MEGF8: variants seen among roughly 807,000 people sequenced by gnomAD.
MEGF8 encodes the protein multiple epidermal growth factor-like domains protein 8.
MEGF8 carries 156 observed loss-of-function variants against 302.9 expected under a neutral mutation model. That is an observed-to-expected ratio of 0.52 (90% CI 0.45 to 0.59). MEGF8 has a LOEUF of 0.59. Among genes scored for constraint, MEGF8 ranks in the 20% least tolerant of loss-of-function variants. The pLI, the probability that MEGF8 is intolerant of heterozygous loss-of-function variation, is 0.00. For synonymous variants in MEGF8, 1,621 were observed against 1,660.5 expected, an observed-to-expected ratio of 0.98 and a Z score of 0.58; for missense variants, 3,345 against 3,964.5, an observed-to-expected ratio of 0.84 and a Z score of 4.20.
chr19:42,360,647 G>T, intron 31 of MEGF8, 128 bp from the exon 32 acceptor site: 2 of 1,480,716 alleles, frequency 1.4e-6, no homozygotes, highest in Non-Finnish European at 1.8e-6. Flanking sequence ...CCTTGGCCTT[G>T]TTTCTGCTGT....
chr19:42,336,069 C>T lies in MEGF8; in HGVS notation c.967C>T (p.Pro323Ser), dbSNP rs2039123449. 1.3e-6 allele frequency: 2 copies of T among 1,593,948 alleles called. No individual in the cohort carries two copies. Among genetic ancestry groups the T allele is most frequent in the African/African-American group, 2.7e-5 (2 of 74,866 alleles). Residue 323 changes from proline to serine, a missense_variant, in exon 6 of 42, where the codon CCA becomes TCA. Coordinates refer to ENST00000251268, the MANE Select transcript of MEGF8 (RefSeq NM_001271938.2). This position sits in a 1 kb window ranked among gnomAD's most constrained non-coding sequence, Gnocchi z 4.8. ...CAGGGGCCACTGGGAGCTCCTGGCACCACCTGCCTCCAGCTCCTCGGGGCC... is the reference window on the plus strand; with the variant it reads ...CAGGGGCCACTGGGAGCTCCTGGCATCACCTGCCTCCAGCTCCTCGGGGCC... ...LGRGHWELLA[P>S]PASSSSGPPG...
At chr19:42,345,293 A>T (rs1352137135) in intron 12 of MEGF8, among the ~76,000 whole-genome samples, 1 of 152,228 alleles carries the variant, frequency 6.6e-6, no homozygotes, top group Non-Finnish European at 1.5e-5. Flanking sequence ...TTTAAAAAGA[A>T]TTTTTACATT....
Position 42,351,172 on chromosome 19 carries a change from A to G in MEGF8, c.2737-44A>G. 1 of 1,516,390 alleles carries G rather than the reference A, an allele frequency of 6.6e-7. No homozygotes were observed. The highest frequency in any genetic ancestry group is 8.9e-7 in the Non-Finnish European group (1 of 1,119,006). The allele number at this position is 1,516,390 out of a possible 1,614,324, so 93.9% of individuals were successfully genotyped here. A position where few individuals can be genotyped will look rare whatever the true frequency, so the allele number is the denominator to read the frequency against. ...GATGGGCACTGGGAGTCCAAAGGAAAGGGCTGAGTGGGGTTCTGACTCCTC... is the reference window on the plus strand; with the variant it reads ...GATGGGCACTGGGAGTCCAAAGGAAGGGGCTGAGTGGGGTTCTGACTCCTC... On this transcript the variant is annotated intron_variant, in intron 15 of 41. Transcript: ENST00000251268. The surrounding 1 kb of genome is among the most constrained non-coding windows in gnomAD (Gnocchi z 5.6).
chr19:42,366,232 G>A lies in MEGF8; in HGVS notation c.6274-2223G>A, dbSNP rs544497542. Among the ~76,000 whole-genome samples, 6 of 152,098 alleles carry A rather than the reference G, an allele frequency of 3.9e-5. No individual in the cohort carries two copies. In the East Asian group the frequency reaches 9.7e-4, roughly 24 times the overall value. On this transcript the variant is annotated intron_variant, in intron 35 of 41. Transcript: ENST00000251268. ...TTTTCTTTTTTTGAAACAGAGTCTC[G>A]CTCTGTCGCCCAGGCTGTAGTGCAG...
chr19:42,356,094 G>A lies in MEGF8; in HGVS notation c.4404G>A (p.Val1468=), dbSNP rs1197766131. The A allele has an allele frequency of 2.3e-5, 37 of 1,587,636 alleles. No homozygotes were observed. Among genetic ancestry groups the A allele is most frequent in the Non-Finnish European group, 2.9e-5 (34 of 1,164,620 alleles). Residue 1468 remains valine (V), a synonymous_variant, in exon 25 of 42, where the codon GTG becomes GTA. Coordinates refer to ENST00000251268, the MANE Select transcript of MEGF8 (RefSeq NM_001271938.2). The surrounding 1 kb of genome is among the most constrained non-coding windows in gnomAD (Gnocchi z 5.2). ...GAGTCNQSLG[V]CICAEGFGGP... ...TTGTCATCCCCCAGAGCCTGGGTGT[G>A]TGCATCTGTGCCGAGGGCTTCGGGG... is the stretch of plus-strand genomic sequence containing the variant.
rs569891691 is a variant in MEGF8 at position 42,356,091 on chromosome 19, T to C, written c.4401T>C (p.Gly1467=). The C allele has an allele frequency of 2.2e-5, 35 of 1,586,840 alleles. No individual in the cohort carries two copies. Among genetic ancestry groups the C allele is most frequent in the Non-Finnish European group, 2.8e-5 (33 of 1,163,970 alleles). The part of the protein sequence containing the change: ...TGAGTCNQSL[G]VCICAEGFGG... ...CCCTTGTCATCCCCCAGAGCCTGGG[T>C]GTGTGCATCTGTGCCGAGGGCTTCG... Residue 1467 remains glycine, a synonymous_variant, in exon 25 of 42, where the codon GGT becomes GGC. Coordinates refer to ENST00000251268, the MANE Select transcript of MEGF8 (RefSeq NM_001271938.2). The surrounding 1 kb of genome is among the most constrained non-coding windows in gnomAD (Gnocchi z 5.2).
At chr19:42,328,868 G>A (rs540101428) in intron 1 of MEGF8, among the ~76,000 whole-genome samples, 24 of 152,074 alleles carry the variant, frequency 1.6e-4, no homozygotes, top group Non-Finnish European at 2.5e-4. Context: ...AAGAAAAAAC[G>A]TCTCAGACTG....
chr19:42,358,367 C>T lies in MEGF8; in HGVS notation c.5175+60C>T, dbSNP rs890780081. ...GGGCAGGAGGGAGGGGTCCTCTTTC[C>T]CAGTGCCCCAGGGACTGGCTCCATC... On this transcript the variant is annotated intron_variant, in intron 29 of 41. Coordinates refer to ENST00000251268, the MANE Select transcript of MEGF8 (RefSeq NM_001271938.2). This position sits in a 1 kb window ranked among gnomAD's most constrained non-coding sequence, Gnocchi z 4.4. 1 of 1,516,804 alleles carries T rather than the reference C, an allele frequency of 6.6e-7. No individual in the cohort carries two copies. The highest frequency in any genetic ancestry group is 1.3e-5 in the South Asian group (1 of 78,116). 94.0% of individuals were successfully genotyped at this position (1,516,804 alleles called of 1,614,324 possible). A position where few individuals can be genotyped will look rare whatever the true frequency, so the allele number is the denominator to read the frequency against.
chr19:42,338,331 C>G (rs888939830), intron 8 of MEGF8, among the ~76,000 whole-genome samples: 1 of 152,020 alleles, frequency 6.6e-6, no homozygotes, highest in African/African-American at 2.4e-5. Flanking sequence ...CTTCCACCTC[C>G]TGGGTTCAAG....
At chr19:42,355,642 T>C in intron 23 of MEGF8, 116 bp from the exon 24 acceptor site, 1 of 1,381,692 alleles carries the variant, frequency 7.2e-7, no homozygotes, top group Non-Finnish European at 9.6e-7. Context: ...GCGATGATTA[T>C]GAATAATATG....
At chr19:42,345,474 A>C (rs1366343356) in intron 12 of MEGF8, among the ~76,000 whole-genome samples, 2 of 152,174 alleles carry the variant, frequency 1.3e-5, no homozygotes, top group Non-Finnish European at 2.9e-5. Context: ...CCTGGCAGCT[A>C]CTAATCTGTT....
At chr19:42,362,679 G>T in intron 34 of MEGF8, 82 bp downstream of exon 34, 1 of 1,465,350 alleles carries the variant, frequency 6.8e-7, no homozygotes, top group Non-Finnish European at 9.3e-7. Flanking sequence ...TGGGGGCCTG[G>T]TCTCCTGGGT....
At position 42,337,599 on chromosome 19, in the gene MEGF8, G is replaced by C. The variant is rs1344986002; in HGVS notation, c.1513+393G>C. ...CAGCTCACTGCAGGCTCCACCCCCC[G>C]GGTTTCACGCCATTCTCCTGCCTCA... is the stretch of plus-strand genomic sequence containing the variant. On this transcript the variant is annotated intron_variant, in intron 8 of 41. Transcript: ENST00000251268. Among the ~76,000 whole-genome samples the C allele has an allele frequency of 2.8e-5, 4 of 144,772 alleles. 1 individual carries two copies. Among genetic ancestry groups the C allele is most frequent in the African/African-American group, 1.0e-4 (4 of 38,840 alleles). The allele number at this position is 144,772 out of a possible 152,430, so 95.0% of individuals were successfully genotyped here.
Position 42,370,349 on chromosome 19 carries a change from A to C in MEGF8, c.6995A>C (p.Asp2332Ala). 6.3e-7 allele frequency: 1 copy of C among 1,578,130 alleles called. No homozygotes were observed. The highest frequency in any genetic ancestry group is 1.1e-5 in the South Asian group (1 of 87,508). ...SKGEPKKYSL[D>A]PEEIENWVTE... ...GGAGAGCCAAAGAAGTACTCACTGG[A>C]CCCAGAGGAGGTGAAAGAGAGGGGT... is the stretch of plus-strand genomic sequence containing the variant. Residue 2332 changes from aspartate (D) to alanine (A), a missense_variant, in exon 39 of 42, where the codon GAC becomes GCC. By Grantham distance (126) the Asp-to-Ala change is moderately radical (BLOSUM62 -2). Coordinates refer to ENST00000251268, the MANE Select transcript of MEGF8 (RefSeq NM_001271938.2).
chr19:42,356,988 A>T lies in MEGF8; in HGVS notation c.4830+7A>T. The T allele has an allele frequency of 6.3e-7, 1 of 1,579,740 alleles. No homozygotes were observed. The highest frequency in any genetic ancestry group is 1.2e-5 in the South Asian group (1 of 85,866). ...GCAATGGCGGCAGGAGAAGGTGAGC[A>T]TCTCTCCCCAGCCCACTCCCCAGCC... On this transcript the variant is annotated splice_region_variant and intron_variant, in intron 27 of 41. Coordinates refer to ENST00000251268, the MANE Select transcript of MEGF8 (RefSeq NM_001271938.2). The surrounding 1 kb of genome is among the most constrained non-coding windows in gnomAD (Gnocchi z 5.2).
chr19:42,368,719 C>G lies in MEGF8; in HGVS notation c.6481+57C>G. ...GCTGGCCCTTGGTTGGGGTCTGATA[C>G]AGTGAACATAGGGATACTGGGCCAG... On this transcript the variant is annotated intron_variant, in intron 36 of 41. Transcript: ENST00000251268. The surrounding 1 kb of genome is among the most constrained non-coding windows in gnomAD (Gnocchi z 4.9). 1.3e-6 allele frequency: 2 copies of G among 1,540,584 alleles called. No homozygotes were observed. The highest frequency in any genetic ancestry group is 1.2e-5 in the South Asian group (1 of 80,254).
chr19:42,346,402 C>A (rs141749777), intron 12 of MEGF8, among the ~76,000 whole-genome samples: 4 of 151,794 alleles, frequency 2.6e-5, no homozygotes, highest in African/African-American at 4.8e-5. Flanking sequence ...ATTAGCCGGG[C>A]GTGATGTCGG....
intron 35 of MEGF8, among the ~76,000 whole-genome samples, chr19:42,367,923 G>A (rs1208317777): frequency 6.6e-6 from 1 of 152,018 alleles, no homozygotes; most frequent in Non-Finnish European, 1.5e-5. Flanking sequence ...CGATCTTCCA[G>A]TTTATTTTCT....
At chr19:42,361,987 G>A (rs1228287382) in intron 32 of MEGF8, 103 bp from the exon 33 acceptor site, 2 of 1,513,596 alleles carry the variant, frequency 1.3e-6, no homozygotes, top group African/African-American at 1.4e-5. Flanking sequence ...CCTGTGCTAT[G>A]TCCAGCTTGG....
Sources: allele counts gnomAD v4.1 joint callset (sites outside exome capture counted in the v4.1 genomes callset), GRCh38; gene constraint gnomAD v4.1.1; non-coding constraint Gnocchi (gnomAD v3.1); transcripts MANE v1.5; gene names NCBI Gene and HGNC (gene_info 2026-07-23, HGNC 2026-07-21).